The following GMDS variants were observed in gnomAD, a reference collection of about 807,000 sequenced individuals.
GMDS encodes the protein GDP-mannose 4,6 dehydratase.
GMDS carries 20 observed loss-of-function variants against 49.9 expected under a neutral mutation model. The ratio of observed to expected loss-of-function variants is 0.40; its 90% CI spans 0.28 to 0.58. GMDS has a LOEUF of 0.58. Ranked by LOEUF, GMDS falls within the 20% of genes least tolerant of loss-of-function variation. The probability of loss-of-function intolerance (pLI) is 0.42; values close to 1 mark genes in which losing one functional copy is unlikely to be tolerated. For synonymous variants in GMDS, 177 were observed against 178.6 expected, an observed-to-expected ratio of 0.99 and a Z score of 0.07; for missense variants, 362 against 481.4, an observed-to-expected ratio of 0.75 and a Z score of 2.32.
chr6:1,950,205 T>C (rs1051469599), intron 6 of GMDS, among the ~76,000 whole-genome samples: 3 of 152,232 alleles, frequency 2.0e-5, no homozygotes, highest in Admixed American at 6.5e-5. Context: ...AAAACATCTA[T>C]GAATTCTAAT....
chr6:1,892,520 G>A (rs1302141757), intron 7 of GMDS, among the ~76,000 whole-genome samples: 1 of 151,942 alleles, frequency 6.6e-6, no homozygotes, highest in Non-Finnish European at 1.5e-5. Context: ...CACCATGCCT[G>A]GCTAATTTTT....
At chr6:1,666,899 A>G (rs1203571052) in intron 9 of GMDS, among the ~76,000 whole-genome samples, 5 of 152,208 alleles carry the variant, frequency 3.3e-5, no homozygotes, top group African/African-American at 7.2e-5. Context: ...CCAGCAGTGA[A>G]TGGAGTCAAC....
intron 7 of GMDS, among the ~76,000 whole-genome samples, chr6:1,902,709 A>G (rs780877278): frequency 3.3e-5 from 5 of 152,234 alleles, no homozygotes; most frequent in Non-Finnish European, 7.3e-5. Context: ...GTGGACTTCT[A>G]AAAATTCCTT....
At chr6:1,713,045 A>G (rs1407733671) in intron 9 of GMDS, among the ~76,000 whole-genome samples, 6 of 152,194 alleles carry the variant, frequency 3.9e-5, no homozygotes, top group Non-Finnish European at 8.8e-5. Flanking sequence ...CAACAAATCC[A>G]TCAACACAAG....
chr6:2,114,739 T>C (rs568447448), intron 4 of GMDS, among the ~76,000 whole-genome samples: 1 of 152,332 alleles, frequency 6.6e-6, no homozygotes, highest in Admixed American at 6.5e-5. Context: ...CAATCAGTTA[T>C]AAGATTGAGT....
At chr6:2,206,335 C>T (rs896078789) in intron 1 of GMDS, among the ~76,000 whole-genome samples, 4 of 151,774 alleles carry the variant, frequency 2.6e-5, no homozygotes, top group African/African-American at 4.8e-5. Context: ...TCTTTAATAT[C>T]GGATGCTTCT....
chr6:2,161,266 C>T (rs972583303), intron 1 of GMDS, among the ~76,000 whole-genome samples: 3 of 152,184 alleles, frequency 2.0e-5, no homozygotes, highest in African/African-American at 7.2e-5. Context: ...GCCTCGGCCT[C>T]CCAAAGTGCT....
At chr6:1,851,720 T>C (rs1350105401) in intron 7 of GMDS, among the ~76,000 whole-genome samples, 5 of 152,086 alleles carry the variant, frequency 3.3e-5, no homozygotes, top group Non-Finnish European at 5.9e-5. Context: ...TTTTTAAAAA[T>C]AATAATTTTA....
At chr6:1,969,979 T>C (rs1243858948) in intron 4 of GMDS, among the ~76,000 whole-genome samples, 2 of 152,244 alleles carry the variant, frequency 1.3e-5, no homozygotes, top group African/African-American at 2.4e-5. Context: ...ACATTCAGTC[T>C]GAAGTTTAGG....
In GMDS at chr6:1,624,245, G is replaced by A. The variant is rs1409940254; in HGVS notation, c.1057-14C>T. On this transcript the variant is annotated splice_polypyrimidine_tract_variant and intron_variant, in intron 10 of 10. Coordinates refer to ENST00000380815, the MANE Select transcript of GMDS (RefSeq NM_001500.4). Reference sequence around the variant, plus strand: ...CCTCACCAGCTCCTGCAACACAGGGGTGGGCGTGAGGGAGGAGCTTCTGCC... The same window carrying A: ...CCTCACCAGCTCCTGCAACACAGGGATGGGCGTGAGGGAGGAGCTTCTGCC... 7.5e-6 allele frequency: 12 copies of A among 1,610,160 alleles called. No homozygotes were observed. Among genetic ancestry groups the A allele is most frequent in the Non-Finnish European group, 9.3e-6 (11 of 1,178,998 alleles).
At position 1,737,432 on chromosome 6, in the gene GMDS, G is replaced by A. The variant is rs527772309; in HGVS notation, c.890+5036C>T. Among the ~76,000 whole-genome samples the A allele has an allele frequency of 7.9e-5, 12 of 152,192 alleles. No individual in the cohort carries two copies. In the South Asian group the frequency reaches 2.5e-3, roughly 32 times the overall value. ...ACTACATACTTAGTGGTAAGTTGATGTGAAAGGAAAAACAAAACACAGCAC... is the reference window on the plus strand; with the variant it reads ...ACTACATACTTAGTGGTAAGTTGATATGAAAGGAAAAACAAAACACAGCAC... On this transcript the variant is annotated intron_variant, in intron 8 of 10. Transcript: ENST00000380815.
chr6:2,183,684 G>C (rs1019516197), intron 1 of GMDS, among the ~76,000 whole-genome samples: 1 of 152,192 alleles, frequency 6.6e-6, no homozygotes, highest in African/African-American at 2.4e-5. Flanking sequence ...GAATGGCACA[G>C]AGAAATCTTT....
intron 7 of GMDS, among the ~76,000 whole-genome samples, chr6:1,763,147 G>T (rs1246677822): frequency 6.6e-6 from 1 of 152,164 alleles, no homozygotes; most frequent in African/African-American, 2.4e-5. Context: ...AGGCTGACTG[G>T]TGCTGTGGAC....
In GMDS at chr6:2,205,959, CA is replaced by C. The variant is rs1282407981; in HGVS notation, c.102+39361del. Among the ~76,000 whole-genome samples the C allele has an allele frequency of 2.0e-5, 3 of 152,002 alleles. No homozygotes were observed. The East Asian group carries it at 5.8e-4, about 29-fold the overall frequency. ...ATTTTTCACTGTAACAGTTTGGTGG[CA>C]GTATAAAAGCACAGACGGCTGGGTG... On this transcript the variant is annotated intron_variant, in intron 1 of 10. Coordinates refer to ENST00000380815, the MANE Select transcript of GMDS (RefSeq NM_001500.4).
intron 9 of GMDS, among the ~76,000 whole-genome samples, chr6:1,647,821 C>A (rs896062068): frequency 3.9e-5 from 6 of 152,166 alleles, no homozygotes; most frequent in African/African-American, 1.4e-4. Context: ...CTGGAATGTC[C>A]TTCTCAGCAT....
intron 7 of GMDS, among the ~76,000 whole-genome samples, chr6:1,894,917 C>G (rs1760074357): frequency 6.6e-6 from 1 of 152,202 alleles, no homozygotes; most frequent in East Asian, 1.9e-4. Flanking sequence ...ATCTTACCCT[C>G]AAAAATCACA....
At chr6:1,741,076 C>T (rs370207557) in intron 8 of GMDS, among the ~76,000 whole-genome samples, 17 of 152,052 alleles carry the variant, frequency 1.1e-4, no homozygotes, top group African/African-American at 4.1e-4. Flanking sequence ...TAATTGTACA[C>T]ATTTATGGGG....
intron 7 of GMDS, among the ~76,000 whole-genome samples, chr6:1,839,438 C>G (rs1581243100): frequency 6.6e-6 from 1 of 152,156 alleles, no homozygotes; most frequent in East Asian, 1.9e-4. Flanking sequence ...TGTTAGCTGT[C>G]AAATTTATTT....
chr6:2,084,161 CTTAA>C (rs928102409), intron 4 of GMDS, among the ~76,000 whole-genome samples: 4 of 152,302 alleles, frequency 2.6e-5, no homozygotes, highest in South Asian at 2.1e-4. Context: ...TTACATAAAA[CTTAA>C]TTAACCTTTT....
Sources: allele counts gnomAD v4.1 joint callset (sites outside exome capture counted in the v4.1 genomes callset), GRCh38; gene constraint gnomAD v4.1.1; transcripts MANE v1.5; gene names NCBI Gene and HGNC (gene_info 2026-07-23, HGNC 2026-07-21).